Variants in BEGAIN observed in about 807,000 individuals in gnomAD.
BEGAIN encodes the protein brain-enriched guanylate kinase-associated protein.
Under a neutral mutation model 35.8 loss-of-function variants are expected in BEGAIN, and 19 were observed. The ratio of observed to expected loss-of-function variants is 0.53; its 90% CI spans 0.37 to 0.78. The LOEUF is 0.78. Ranked by LOEUF, BEGAIN falls within the 30% of genes least tolerant of loss-of-function variation. The pLI, the probability that BEGAIN is intolerant of heterozygous loss-of-function variation, is 0.00. For synonymous variants in BEGAIN, 462 were observed against 388.6 expected, an observed-to-expected ratio of 1.19 and a Z score of -2.22; for missense variants, 795 against 853.6, an observed-to-expected ratio of 0.93 and a Z score of 0.85.
chr14:100,568,651 A>G lies in BEGAIN; in HGVS notation c.43-712T>C, dbSNP rs1460965755. ...AGACCCTCCCTGCCCAGCCCCGCTC[A>G]GCCGGGCAGCCCCTCCGCGCGCCGG... is the stretch of plus-strand genomic sequence containing the variant. On this transcript the variant is annotated intron_variant, in intron 1 of 6. Coordinates refer to ENST00000554140, the MANE Select transcript of BEGAIN (RefSeq NM_001385089.1). This position sits in a 1 kb window ranked among gnomAD's most constrained non-coding sequence, Gnocchi z 7.5. 2 of 523,972 alleles carry G rather than the reference A, an allele frequency of 3.8e-6. No individual in the cohort carries two copies. The highest frequency in any genetic ancestry group is 4.9e-6 in the Non-Finnish European group (2 of 408,896). 32.5% of individuals were successfully genotyped at this position (523,972 alleles called of 1,614,324 possible). A position where few individuals can be genotyped will look rare whatever the true frequency, so the allele number is the denominator to read the frequency against.
At chr14:100,580,571 T>C (rs372698239) in intron 1 of BEGAIN, among the ~76,000 whole-genome samples, 1 of 152,134 alleles carries the variant, frequency 6.6e-6, no homozygotes, top group African/African-American at 2.4e-5. Context: ...CTTCCCATCA[T>C]CTAATTCCCA....
At position 100,538,967 on chromosome 14, in the gene BEGAIN, A is replaced by T; in HGVS notation, c.841T>A (p.Ser281Thr). ...TDVGFLRAQN[S>T]TDSAAEEEEE... The stretch of plus-strand genomic sequence containing the variant: ...TCCTCCTCGGCCGCGCTGTCAGTGG[A>T]GTTCTGGGCCCGCAGGAAGCCCACG... Residue 281 changes from serine to threonine, a missense_variant, in exon 7 of 7, where the codon TCC (serine) becomes ACC (threonine). Ser to Thr is a moderately conservative substitution (Grantham distance 58). Around this residue, in one of 3 missense-constraint regions of BEGAIN, gnomAD observed 664 missense variants for 647.7 expected, o/e 1.03. Coordinates refer to ENST00000554140, the MANE Select transcript of BEGAIN (RefSeq NM_001385089.1). 6.2e-7 allele frequency: 1 copy of T among 1,609,858 alleles called. No homozygotes were observed. Among genetic ancestry groups the T allele is most frequent in the South Asian group, 1.1e-5 (1 of 90,828 alleles).
intron 2 of BEGAIN, among the ~76,000 whole-genome samples, chr14:100,554,884 C>G (rs1240720496): frequency 6.6e-6 from 1 of 152,264 alleles, no homozygotes; most frequent in Non-Finnish European, 1.5e-5. Context: ...TCCTGGCCCC[C>G]CCCACCTTCC....
intron 1 of BEGAIN, chr14:100,577,873 T>A (rs1278538072): frequency 2.5e-6 from 1 of 399,132 alleles, no homozygotes; most frequent in East Asian, 3.6e-5. Flanking sequence ...TGTCCCGGGC[T>A]CCAGGAGGGA....
In BEGAIN at chr14:100,538,107, G is replaced by C; in HGVS notation, c.1701C>G (p.Ser567Arg). 1 of 1,573,156 alleles carries C rather than the reference G, an allele frequency of 6.4e-7. No homozygotes were observed. The highest frequency in any genetic ancestry group is 8.6e-7 in the Non-Finnish European group (1 of 1,161,624). ...EQGSRDSLEP[S>R]SMEASPEMHP... ...GCATTTCCGGGGAGGCCTCCATGGA[G>C]CTCGGCTCCAAGGAGTCCCTGGAAC... is the stretch of plus-strand genomic sequence containing the variant. Residue 567 changes from serine (S) to arginine (R), a missense_variant, in exon 7 of 7, where the codon AGC (serine) becomes AGG (arginine). This residue lies in a region of BEGAIN where 664 missense variants were observed against 647.7 expected (regional missense o/e 1.03). Coordinates refer to ENST00000554140, the MANE Select transcript of BEGAIN (RefSeq NM_001385089.1).
At chr14:100,576,230 A>G (rs1259836342) in intron 1 of BEGAIN, among the ~76,000 whole-genome samples, 2 of 151,852 alleles carry the variant, frequency 1.3e-5, no homozygotes, top group Non-Finnish European at 2.9e-5. Context: ...CTTCCCACCC[A>G]CCGGCCTGTC....
Position 100,537,826 on chromosome 14 carries a change from G to A in BEGAIN, c.*143C>T. On this transcript the variant is annotated 3_prime_UTR_variant, in exon 7 of 7. Transcript: ENST00000554140. ...CCCCTCAGGCCTACAGGGCTGGGGA[G>A]GAGAGGAGGTGCGGGGAGGAACAGA... 2 of 1,277,290 alleles carry A rather than the reference G, an allele frequency of 1.6e-6. No homozygotes were observed. Among genetic ancestry groups the A allele is most frequent in the Non-Finnish European group, 2.1e-6 (2 of 962,828 alleles). 79.1% of individuals were successfully genotyped at this position (1,277,290 alleles called of 1,614,324 possible). A position where few individuals can be genotyped will look rare whatever the true frequency, so the allele number is the denominator to read the frequency against.
intron 2 of BEGAIN, among the ~76,000 whole-genome samples, chr14:100,561,181 A>T (rs982654512): frequency 6.6e-5 from 10 of 152,170 alleles, no homozygotes; most frequent in African/African-American, 2.4e-4. Flanking sequence ...TAGGGTGCGG[A>T]AGAGCTGGCC....
intron 2 of BEGAIN, chr14:100,546,976 A>G: frequency 4.1e-6 from 1 of 246,448 alleles, no homozygotes. Context: ...TGACCCCAGA[A>G]CCTGGCCAGT....
At chr14:100,565,417 T>C (rs1034081731) in intron 2 of BEGAIN, among the ~76,000 whole-genome samples, 9 of 152,178 alleles carry the variant, frequency 5.9e-5, no homozygotes, top group Non-Finnish European at 1.5e-5. Flanking sequence ...AATGTACACC[T>C]GCCCACCAAA....
chr14:100,545,078 G>A lies in BEGAIN; in HGVS notation c.234-12C>T, dbSNP rs1161027961. On this transcript the variant is annotated splice_polypyrimidine_tract_variant and intron_variant, in intron 3 of 6. Transcript: ENST00000554140. ...AGTTGCTCTGAATCCTGGTGCAGGA[G>A]GCAAGGGGGTCACTGCCATGCAAGG... The A allele has an allele frequency of 1.2e-6, 2 of 1,613,164 alleles. No homozygotes were observed. The highest frequency in any genetic ancestry group is 2.2e-5 in the South Asian group (2 of 91,082).
Position 100,537,964 on chromosome 14 carries a change from G to C in BEGAIN, c.*5C>G. 1 of 1,603,590 alleles carries C rather than the reference G, an allele frequency of 6.2e-7. No individual in the cohort carries two copies. Among genetic ancestry groups the C allele is most frequent in the Non-Finnish European group, 8.5e-7 (1 of 1,176,204 alleles). ...CGAACCACGGCCAGGCCTGCACGCAGGCGCTCAGTTGAGCAAGGTTCCGTA... is the reference window on the plus strand; with the variant it reads ...CGAACCACGGCCAGGCCTGCACGCACGCGCTCAGTTGAGCAAGGTTCCGTA... On this transcript the variant is annotated 3_prime_UTR_variant, in exon 7 of 7. Transcript: ENST00000554140.
At chr14:100,585,460 TCATCCATC>T (rs1047619236) in intron 1 of BEGAIN, among the ~76,000 whole-genome samples, 1 of 124,488 alleles carries the variant, frequency 8.0e-6, no homozygotes, top group Non-Finnish European at 1.7e-5. Flanking sequence ...ATCCATCCAT[TCATCCATC>T]CATCCACTCT....
At chr14:100,541,185 A>G (rs1474416359) in intron 5 of BEGAIN, among the ~76,000 whole-genome samples, 1 of 152,256 alleles carries the variant, frequency 6.6e-6, no homozygotes, top group East Asian at 1.9e-4. Flanking sequence ...AGATGCAAAC[A>G]GTAGGACTCA....
intron 2 of BEGAIN, among the ~76,000 whole-genome samples, chr14:100,564,520 G>A: frequency 6.6e-6 from 1 of 152,162 alleles, no homozygotes; most frequent in Admixed American, 6.5e-5. Context: ...GAGGCTCTGA[G>A]CACACGGAGA....
At chr14:100,577,623 G>A (rs2139756037) in intron 1 of BEGAIN, 1 of 399,136 alleles carries the variant, frequency 2.5e-6, no homozygotes, top group Middle Eastern at 6.3e-4. Flanking sequence ...GGAACCTGGA[G>A]AAGGGCAGTC....
intron 1 of BEGAIN, among the ~76,000 whole-genome samples, chr14:100,584,964 G>A (rs998621784): frequency 6.6e-6 from 1 of 152,038 alleles, no homozygotes. Context: ...CCTCCCCACC[G>A]CCATGGCTTC....
intron 2 of BEGAIN, among the ~76,000 whole-genome samples, chr14:100,565,005 C>T (rs193117685): frequency 3.6e-4 from 55 of 152,346 alleles, no homozygotes; most frequent in Admixed American, 1.4e-3. Context: ...TTCCCGGAAG[C>T]TCTTCCCAAT....
At chr14:100,547,790 G>A (rs2032726763) in intron 2 of BEGAIN, 1 of 152,276 alleles carries the variant, frequency 6.6e-6, no homozygotes, top group Non-Finnish European at 1.5e-5. Context: ...GATGTGCTGT[G>A]GGACCTTGGG....
Sources: allele counts gnomAD v4.1 joint callset (sites outside exome capture counted in the v4.1 genomes callset), GRCh38; gene constraint gnomAD v4.1.1; regional missense constraint gnomAD v4.1.1; non-coding constraint Gnocchi (gnomAD v3.1); transcripts MANE v1.5; gene names NCBI Gene and HGNC (gene_info 2026-07-23, HGNC 2026-07-21).